ANKRD29: variants seen among roughly 807,000 people sequenced by gnomAD.
ANKRD29 encodes ankyrin repeat domain-containing protein 29.
ANKRD29 carries 32 observed loss-of-function variants against 38.0 expected under a neutral mutation model. The observed-to-expected ratio is 0.84, with a 90% CI of 0.64 to 1.13. The LOEUF is 1.13. ANKRD29 is among the 50% of genes most tolerant of loss of function. ANKRD29 has a pLI of 0.00. For synonymous variants in ANKRD29, 135 were observed against 152.4 expected (o/e 0.89, Z 0.84); for missense variants, 357 against 377.9 (o/e 0.94, Z 0.46).
chr18:23,625,228 C>T (rs573065794), intron 6 of ANKRD29, among the ~76,000 whole-genome samples: 92 of 152,224 alleles, frequency 6.0e-4, no homozygotes, highest in African/African-American at 2.2e-3. Flanking sequence ...TCCCTTGCAC[C>T]GTGTGCCTGG....
chr18:23,605,619 C>T (rs560059618), intron 9 of ANKRD29, among the ~76,000 whole-genome samples: 24 of 152,084 alleles, frequency 1.6e-4, no homozygotes, highest in African/African-American at 4.8e-4. Flanking sequence ...CTCCGCCTCC[C>T]GGGTTCAAGC....
chr18:23,633,942 C>T, intron 5 of ANKRD29, 109 bp downstream of exon 5: 3 of 1,085,434 alleles, frequency 2.8e-6, no homozygotes, highest in Non-Finnish European at 4.2e-6. Flanking sequence ...GACCCAAGTC[C>T]TACTGTCCAT....
At chr18:23,630,167 G>A (rs2059911809) in intron 5 of ANKRD29, among the ~76,000 whole-genome samples, 1 of 152,100 alleles carries the variant, frequency 6.6e-6, no homozygotes, top group African/African-American at 2.4e-5. Flanking sequence ...GCTCACGCCT[G>A]TAATCCTAGC....
intron 8 of ANKRD29, among the ~76,000 whole-genome samples, chr18:23,612,552 G>A (rs948260194): frequency 9.9e-5 from 15 of 152,202 alleles, no homozygotes; most frequent in Admixed American, 2.6e-4. Context: ...AGGACAACAC[G>A]TACAGTCTGT....
At chr18:23,638,155 G>T (rs938829983) in intron 4 of ANKRD29, among the ~76,000 whole-genome samples, 3 of 151,720 alleles carry the variant, frequency 2.0e-5, no homozygotes, top group South Asian at 4.2e-4. Context: ...GTGCCATCAC[G>T]CCTGGCTAAT....
chr18:23,600,632 T>G lies in ANKRD29; in HGVS notation c.*594A>C, dbSNP rs17202807. The G allele has an allele frequency of 0.037, 5,612 of 152,784 alleles. 177 individuals carry two copies. The highest frequency in any genetic ancestry group is 0.13 in the South Asian group (610 of 4,826). 9.5% of individuals were successfully genotyped at this position (152,784 alleles called of 1,614,324 possible). A position where few individuals can be genotyped will look rare whatever the true frequency, so the allele number is the denominator to read the frequency against. ...TATAGTTCAATAGTCCATCTTTGAA[T>G]AGCACATAATGGAATGTCAGAAGTG... is the stretch of plus-strand genomic sequence containing the variant. On this transcript the variant is annotated 3_prime_UTR_variant, in exon 10 of 10. Coordinates refer to ENST00000592179, the MANE Select transcript of ANKRD29 (RefSeq NM_173505.4).
intron 9 of ANKRD29, among the ~76,000 whole-genome samples, chr18:23,602,916 A>G (rs1297913439): frequency 2.0e-5 from 3 of 152,258 alleles, no homozygotes; most frequent in Non-Finnish European, 4.4e-5. Context: ...TCAGAAGAGT[A>G]GCACTGCTCA....
chr18:23,659,627 C>CA (rs1363642927), intron 1 of ANKRD29, among the ~76,000 whole-genome samples: 2 of 151,418 alleles, frequency 1.3e-5, no homozygotes, highest in Non-Finnish European at 2.9e-5. Flanking sequence ...CCTGTAGTCT[C>CA]AGTGACTCAG....
Position 23,653,320 on chromosome 18 carries a change from G to A in ANKRD29, c.22-4127C>T, listed in dbSNP as rs1054995776. ...GGCTGGAGTGCAGTGCCATGATCTC[G>A]GCTCACTGTAACCTCCGTCTCCTGG... On this transcript the variant is annotated intron_variant, in intron 1 of 9. Coordinates refer to ENST00000592179, the MANE Select transcript of ANKRD29 (RefSeq NM_173505.4). Among the ~76,000 whole-genome samples the A allele has an allele frequency of 4.6e-5, 7 of 152,074 alleles. No individual in the cohort carries two copies. In the East Asian group the frequency reaches 1.2e-3, roughly 25 times the overall value.
intron 5 of ANKRD29, among the ~76,000 whole-genome samples, chr18:23,632,747 C>G (rs1460934295): frequency 6.6e-6 from 1 of 151,926 alleles, no homozygotes; most frequent in Non-Finnish European, 1.5e-5. Context: ...AATGGGCAGC[C>G]AGAGTTGAGA....
At position 23,638,897 on chromosome 18, in the gene ANKRD29, G is replaced by A. The variant is rs1421366733; in HGVS notation, c.282C>T (p.Val94=). The change falls in exon 4 of 10, where the codon GTC becomes GTT. Residue 94 remains valine, a synonymous_variant. Coordinates refer to ENST00000592179, the MANE Select transcript of ANKRD29 (RefSeq NM_173505.4). The part of the protein sequence containing the change: ...FFAAQQGHND[V]VRFLFGFGAS... ...CTCCAAATCCAAAGAGAAATCTCAC[G>A]ACATCATTATGGCCTTGCTGGGCGG... 5.0e-6 allele frequency: 8 copies of A among 1,613,084 alleles called. No individual in the cohort carries two copies. Among genetic ancestry groups the A allele is most frequent in the East Asian group, 2.2e-5 (1 of 44,832 alleles).
At chr18:23,619,351 T>A (rs1352926610) in intron 7 of ANKRD29, 180 bp downstream of exon 7, 1 of 614,034 alleles carries the variant, frequency 1.6e-6, no homozygotes, top group South Asian at 2.1e-5. Context: ...CCCAAGGTCA[T>A]CTCGGGTGGA....
At position 23,639,455 on chromosome 18, in the gene ANKRD29, G is replaced by A. The variant is rs549996719; in HGVS notation, c.232-508C>T. ...TTCTGACATATGCTACAACATGGATGAGCCTTGATAACATTATGCTAAGTG... is the reference window on the plus strand; with the variant it reads ...TTCTGACATATGCTACAACATGGATAAGCCTTGATAACATTATGCTAAGTG... On this transcript the variant is annotated intron_variant, in intron 3 of 9. Transcript: ENST00000592179. 2.7e-3 allele frequency among the ~76,000 whole-genome samples: 411 copies of A among 151,850 alleles called. 2 individuals carry two copies. The highest frequency in any genetic ancestry group is 9.5e-3 in the African/African-American group (393 of 41,404).
chr18:23,606,855 G>A (rs73392191), intron 9 of ANKRD29, among the ~76,000 whole-genome samples: 1 of 152,122 alleles, frequency 6.6e-6, no homozygotes, highest in Non-Finnish European at 1.5e-5. Flanking sequence ...CAGAGACTCT[G>A]TCTCTAAAAA....
intron 6 of ANKRD29, among the ~76,000 whole-genome samples, chr18:23,628,300 C>A (rs2059886677): frequency 6.6e-6 from 1 of 152,176 alleles, no homozygotes; most frequent in African/African-American, 2.4e-5. Context: ...TGCCCAAAGG[C>A]TCTTTATTTT....
intron 8 of ANKRD29, among the ~76,000 whole-genome samples, chr18:23,613,581 T>C (rs1417319431): frequency 1.3e-5 from 2 of 151,876 alleles, no homozygotes; most frequent in Non-Finnish European, 1.5e-5. Context: ...CTTTCATAGA[T>C]GGTTTATTTT....
intron 1 of ANKRD29, 93 bp downstream of exon 1, chr18:23,662,617 A>AAACCCCCCCCCCCCCC: frequency 7.3e-6 from 1 of 137,646 alleles, no homozygotes; most frequent in Non-Finnish European, 1.3e-5. Flanking sequence ...GGCAGCGCCC[A>AAACCCCCCCCCCCCCC]CCCCATCCCA....
At chr18:23,601,417 A>T in intron 9 of ANKRD29, 108 bp from the exon 10 acceptor site, 1 of 790,948 alleles carries the variant, frequency 1.3e-6, no homozygotes, top group Non-Finnish European at 2.1e-6. Context: ...AATGAAAAAA[A>T]TCCACACTGG....
intron 6 of ANKRD29, among the ~76,000 whole-genome samples, chr18:23,622,756 G>A (rs994983150): frequency 6.6e-6 from 1 of 152,062 alleles, no homozygotes; most frequent in South Asian, 2.1e-4. Context: ...AAGTAGAGAC[G>A]GGGTTTCACC....
Sources: gnomAD v4.1 joint callset for allele counts (sites outside exome capture counted in the v4.1 genomes callset) on GRCh38, gnomAD v4.1.1 for gene constraint, MANE v1.5 for transcripts, NCBI Gene and HGNC (gene_info 2026-07-23, HGNC 2026-07-21) for gene names.